The following RASAL2 variants were observed in gnomAD, a reference collection of about 807,000 sequenced individuals.
RASAL2 encodes ras GTPase-activating protein nGAP.
Under a neutral mutation model 128.9 loss-of-function variants are expected in RASAL2, and 58 were observed. The observed-to-expected ratio is 0.45, with a 90% CI of 0.36 to 0.56. The LOEUF (loss-of-function observed/expected upper bound fraction) is 0.56. Among genes scored for constraint, RASAL2 ranks in the 20% least tolerant of loss-of-function variants. The pLI is 0.00. For synonymous variants in RASAL2, 561 were observed against 580.8 expected (o/e 0.97, Z 0.49); for missense variants, 1,360 against 1,601.6 (o/e 0.85, Z 2.57).
intron 5 of RASAL2, 149 bp downstream of exon 5, chr1:178,420,769 T>C (rs1204822049): frequency 5.2e-6 from 3 of 578,790 alleles, no homozygotes; most frequent in Non-Finnish European, 8.9e-6. Context: ...TAAGGCAAGA[T>C]ACAAAATATT....
chr1:178,278,032 G>A (rs1666607806), intron 1 of RASAL2, among the ~76,000 whole-genome samples: 1 of 152,198 alleles, frequency 6.6e-6, no homozygotes, highest in South Asian at 2.1e-4. Flanking sequence ...CAAAGGGTGA[G>A]GTTGGAGCAA....
intron 3 of RASAL2, among the ~76,000 whole-genome samples, chr1:178,354,144 A>G (rs1670669230): frequency 6.6e-6 from 1 of 152,214 alleles, no homozygotes; most frequent in South Asian, 2.1e-4. Flanking sequence ...AATATTAGCA[A>G]ATGGAATAAT....
chr1:178,283,471 T>C, intron 1 of RASAL2, 93 bp from the exon 2 acceptor site: 1 of 1,478,502 alleles, frequency 6.8e-7, no homozygotes, highest in South Asian at 1.3e-5. Flanking sequence ...GGCTCACCTC[T>C]TTATTTGATT....
intron 1 of RASAL2, among the ~76,000 whole-genome samples, chr1:178,096,491 A>T (rs888207599): frequency 6.7e-6 from 1 of 149,366 alleles, no homozygotes; most frequent in Non-Finnish European, 1.5e-5. Context: ...TGTGTGTAAG[A>T]GAGAGAGAGA....
At chr1:178,410,998 G>C (rs1360029906) in intron 4 of RASAL2, among the ~76,000 whole-genome samples, 2 of 152,152 alleles carry the variant, frequency 1.3e-5, no homozygotes, top group Non-Finnish European at 2.9e-5. Flanking sequence ...ACTGCCATTT[G>C]ATCCAGCAAT....
At chr1:178,438,116 G>A (rs1252774873) in intron 5 of RASAL2, among the ~76,000 whole-genome samples, 1 of 123,720 alleles carries the variant, frequency 8.1e-6, no homozygotes, top group South Asian at 2.4e-4. Flanking sequence ...GTGTGTGTGT[G>A]TGTGTGTGTG....
intron 3 of RASAL2, among the ~76,000 whole-genome samples, chr1:178,373,274 C>CTTTTTTTTTTTTTTT (rs60835442): frequency 0.16 from 8,713 of 55,996 alleles, 1,474 homozygotes; most frequent in South Asian, 0.21. Flanking sequence ...TGTTTCTTTC[C>CTTTTTTTTTTTTTTT]TTTTTTTTTT....
intron 1 of RASAL2, among the ~76,000 whole-genome samples, chr1:178,129,222 G>A (rs1311756315): frequency 6.6e-6 from 1 of 151,936 alleles, no homozygotes; most frequent in Non-Finnish European, 1.5e-5. Context: ...TAAGGGCTCT[G>A]ATTTCTCCAT....
intron 1 of RASAL2, among the ~76,000 whole-genome samples, chr1:178,207,987 T>C (rs1159720003): frequency 6.6e-6 from 1 of 152,184 alleles, no homozygotes; most frequent in Non-Finnish European, 1.5e-5. Flanking sequence ...CATTTATCAG[T>C]TCCCAAATAA....
chr1:178,445,981 T>C (rs187057505), intron 9 of RASAL2, among the ~76,000 whole-genome samples: 1 of 152,324 alleles, frequency 6.6e-6, no homozygotes, highest in East Asian at 1.9e-4. Flanking sequence ...TTTGGGTGTT[T>C]ATATGATGAT....
At chr1:178,178,823 A>T (rs1295065860) in intron 1 of RASAL2, among the ~76,000 whole-genome samples, 1 of 152,188 alleles carries the variant, frequency 6.6e-6, no homozygotes, top group African/African-American at 2.4e-5. Flanking sequence ...TTCTGTATTA[A>T]TTCTTTTCAT....
intron 1 of RASAL2, among the ~76,000 whole-genome samples, chr1:178,167,422 A>G (rs1661554978): frequency 6.6e-6 from 1 of 152,114 alleles, no homozygotes; most frequent in South Asian, 2.1e-4. Context: ...AATGAATCAA[A>G]ATAATAAAAT....
intron 3 of RASAL2, among the ~76,000 whole-genome samples, chr1:178,352,817 C>CTTAA (rs1222471406): frequency 4.6e-5 from 7 of 152,262 alleles, no homozygotes; most frequent in Non-Finnish European, 8.8e-5. Flanking sequence ...TACCCACAGG[C>CTTAA]TTAACACCAT....
rs1363041514 is a variant in RASAL2, at chr1:178,439,479, A to G, written c.732A>G (p.Pro244=). ...GTTCCCATGAATCCTTGCTGAGCCCATGCAGCACAGTGGAATGTCTGGATC... is the reference window on the plus strand; with the variant it reads ...GTTCCCATGAATCCTTGCTGAGCCCGTGCAGCACAGTGGAATGTCTGGATC... ...ESRSHESLLS[P]CSTVECLDLG... The change falls in exon 6 of 18, where the codon CCA becomes CCG. Residue 244 remains proline (P), a synonymous_variant. Transcript: ENST00000367649. 1 of 1,612,908 alleles carries G rather than the reference A, an allele frequency of 6.2e-7. No individual in the cohort carries two copies. The highest frequency in any genetic ancestry group is 8.5e-7 in the Non-Finnish European group (1 of 1,179,190).
chr1:178,199,353 T>C (rs1662785989), intron 1 of RASAL2, among the ~76,000 whole-genome samples: 1 of 152,172 alleles, frequency 6.6e-6, no homozygotes, highest in African/African-American at 2.4e-5. Context: ...GGTACCTCAG[T>C]TGGAAATGCA....
intron 4 of RASAL2, among the ~76,000 whole-genome samples, chr1:178,402,975 A>G (rs1673744644): frequency 6.6e-6 from 1 of 152,110 alleles, no homozygotes; most frequent in Non-Finnish European, 1.5e-5. Flanking sequence ...TGAGGTCTTC[A>G]TTTTGACCCA....
At chr1:178,387,348 A>G (rs1260499356) in intron 3 of RASAL2, among the ~76,000 whole-genome samples, 3 of 151,750 alleles carry the variant, frequency 2.0e-5, no homozygotes, top group South Asian at 4.2e-4. Context: ...ATTTTTTCCC[A>G]TAATACAGAA....
chr1:178,395,771 G>GTATATATATA lies in RASAL2; in HGVS notation c.564+5577_564+5586dup, dbSNP rs57664965. On this transcript the variant is annotated intron_variant, in intron 4 of 17. Coordinates refer to ENST00000367649, the MANE Select transcript of RASAL2 (RefSeq NM_170692.4). ...CCAGTGAGACCTCTTTTAATGAACAGTATATATATATATATATATATTTAT... is the reference window on the plus strand; with the variant it reads ...CCAGTGAGACCTCTTTTAATGAACAGTATATATATATATATATATATATATATATATTTAT... 1.1e-3 allele frequency among the ~76,000 whole-genome samples: 149 copies of GTATATATATA among 132,992 alleles called. 4 individuals carry two copies. Among genetic ancestry groups the GTATATATATA allele is most frequent in the Middle Eastern group, 3.8e-3 (1 of 264 alleles). The allele number at this position is 132,992 out of a possible 152,430, so 87.2% of individuals were successfully genotyped here.
At chr1:178,416,894 AT>A (rs1674794157) in intron 4 of RASAL2, among the ~76,000 whole-genome samples, 1 of 147,044 alleles carries the variant, frequency 6.8e-6, no homozygotes, top group African/African-American at 2.5e-5. Context: ...CTTCTTTAGG[AT>A]TTTTTCTTTT....
Sources: allele counts gnomAD v4.1 joint callset (sites outside exome capture counted in the v4.1 genomes callset), GRCh38; gene constraint gnomAD v4.1.1; transcripts MANE v1.5; gene names NCBI Gene and HGNC (gene_info 2026-07-23, HGNC 2026-07-21).